Variants in CTNND2 observed in about 807,000 individuals in gnomAD.
CTNND2 encodes catenin delta-2.
CTNND2 carries 22 observed loss-of-function variants against 144.4 expected under a neutral mutation model. The ratio of observed to expected loss-of-function variants is 0.15; its 90% confidence interval spans 0.11 to 0.22. CTNND2 has a LOEUF of 0.22. Ranked by LOEUF, CTNND2 falls within the 10% of genes least tolerant of loss-of-function variation. CTNND2 has a pLI of 1.00. For missense variants in CTNND2, 1,353 were observed against 1,618.8 expected (o/e 0.84, Z 2.82); for synonymous variants, 751 against 695.6 (o/e 1.08, Z -1.25).
intron 1 of CTNND2, among the ~76,000 whole-genome samples, chr5:11,777,850 G>C (rs1283504746): frequency 6.6e-6 from 1 of 152,054 alleles, no homozygotes; most frequent in Non-Finnish European, 1.5e-5. Flanking sequence ...AGCTCTCCCA[G>C]GTGATTTTGA....
chr5:11,396,921 C>T (rs1760192599), intron 6 of CTNND2, 110 bp downstream of exon 6: 4 of 1,067,558 alleles, frequency 3.7e-6, no homozygotes, highest in Non-Finnish European at 4.1e-6. Context: ...TTGAGGGACA[C>T]ACCTACAAAA....
At chr5:11,198,127 A>G (rs934840877) in intron 11 of CTNND2, among the ~76,000 whole-genome samples, 2 of 152,146 alleles carry the variant, frequency 1.3e-5, no homozygotes. Flanking sequence ...TCCTAACCAT[A>G]ATGGTAGGAA....
chr5:11,110,708 T>C (rs1325532391), intron 14 of CTNND2, 150 bp downstream of exon 14: 2 of 724,944 alleles, frequency 2.8e-6, no homozygotes, highest in Non-Finnish European at 4.5e-6. Flanking sequence ...CCGTCTCAGC[T>C]GTGAAATTCC....
At chr5:11,368,594 G>A (rs183093370) in intron 7 of CTNND2, among the ~76,000 whole-genome samples, 5 of 152,304 alleles carry the variant, frequency 3.3e-5, no homozygotes, top group Admixed American at 1.3e-4. Context: ...GAAGAATCAT[G>A]ACAACATGGC....
intron 9 of CTNND2, among the ~76,000 whole-genome samples, chr5:11,291,406 T>G (rs1748338477): frequency 6.6e-6 from 1 of 152,168 alleles, no homozygotes; most frequent in African/African-American, 2.4e-5. Flanking sequence ...TGGTCCCAAG[T>G]TTGATCCTGT....
chr5:11,252,519 C>T (rs1294396519), intron 9 of CTNND2, among the ~76,000 whole-genome samples: 1 of 152,194 alleles, frequency 6.6e-6, no homozygotes, highest in Non-Finnish European at 1.5e-5. Context: ...AATGTAAGCT[C>T]ACATTTAAGG....
At position 11,409,492 on chromosome 5, in the gene CTNND2, T is replaced by G. The variant is rs1040550544; in HGVS notation, c.439+2044A>C. On this transcript the variant is annotated intron_variant, in intron 5 of 21. Coordinates refer to ENST00000304623, the MANE Select transcript of CTNND2 (RefSeq NM_001332.4). Reference sequence around the variant, plus strand: ...AGCATTCTGTCTGATTCATGAGACGTGCATTCAAATGTTCACAATAATATT... The same window carrying G: ...AGCATTCTGTCTGATTCATGAGACGGGCATTCAAATGTTCACAATAATATT... Among the ~76,000 whole-genome samples, 4 of 152,216 alleles carry G rather than the reference T, an allele frequency of 2.6e-5. No individual in the cohort carries two copies. In the East Asian group the frequency reaches 7.7e-4, roughly 29 times the overall value.
intron 1 of CTNND2, among the ~76,000 whole-genome samples, chr5:11,797,810 T>C (rs370024397): frequency 2.3e-4 from 35 of 152,368 alleles, no homozygotes; most frequent in African/African-American, 7.9e-4. Context: ...TATAGTTGCT[T>C]GACTTTACTT....
chr5:11,369,216 A>C (rs917549798), intron 7 of CTNND2, among the ~76,000 whole-genome samples: 2 of 152,256 alleles, frequency 1.3e-5, no homozygotes, highest in Non-Finnish European at 2.9e-5. Flanking sequence ...GACGTTCATA[A>C]GGAAAGAAAA....
chr5:11,697,220 A>G (rs1393173344), intron 2 of CTNND2, among the ~76,000 whole-genome samples: 1 of 152,166 alleles, frequency 6.6e-6, no homozygotes. Context: ...AGGTTGTTGG[A>G]AAGTGTGCAA....
chr5:11,603,794 A>C (rs55648108), intron 2 of CTNND2, among the ~76,000 whole-genome samples: 13,794 of 152,164 alleles, frequency 0.091, 1,449 homozygotes, highest in African/African-American at 0.25. Flanking sequence ...TTGTTCCAGG[A>C]ACTCTTCTGA....
chr5:11,272,996 G>A (rs1186154495), intron 9 of CTNND2, among the ~76,000 whole-genome samples: 1 of 151,946 alleles, frequency 6.6e-6, no homozygotes, highest in Non-Finnish European at 1.5e-5. Context: ...GACCAGCTAG[G>A]CATTCTCACA....
At chr5:11,295,940 G>A (rs369579761) in intron 9 of CTNND2, among the ~76,000 whole-genome samples, 79 of 151,992 alleles carry the variant, frequency 5.2e-4, no homozygotes, top group African/African-American at 1.5e-3. Flanking sequence ...CTTCATGTCT[G>A]AAACACCAAA....
chr5:11,263,436 T>C (rs1313116478), intron 9 of CTNND2, among the ~76,000 whole-genome samples: 1 of 152,106 alleles, frequency 6.6e-6, no homozygotes, highest in South Asian at 2.1e-4. Context: ...AAAATGCTCA[T>C]GAAATGATAG....
At chr5:11,407,186 G>A (rs1185358361) in intron 5 of CTNND2, among the ~76,000 whole-genome samples, 2 of 152,144 alleles carry the variant, frequency 1.3e-5, no homozygotes, top group Non-Finnish European at 2.9e-5. Context: ...AAAGCTAATG[G>A]CCCCAAGCTT....
At chr5:11,532,267 C>A (rs901398567) in intron 3 of CTNND2, among the ~76,000 whole-genome samples, 1 of 151,886 alleles carries the variant, frequency 6.6e-6, no homozygotes, top group Non-Finnish European at 1.5e-5. Flanking sequence ...CATCCCTTGC[C>A]CCTCTCCCTC....
chr5:11,007,792 G>A (rs1421122495), intron 18 of CTNND2, among the ~76,000 whole-genome samples: 1 of 152,230 alleles, frequency 6.6e-6, no homozygotes. Flanking sequence ...CTCAAAAGGA[G>A]CATTGGTGCT....
chr5:11,161,233 T>C lies in CTNND2; in HGVS notation c.1976-1474A>G, dbSNP rs61753299. Among the ~76,000 whole-genome samples, 995 of 152,360 alleles carry C rather than the reference T, an allele frequency of 6.5e-3. 19 individuals are homozygous for C. Among genetic ancestry groups the C allele is most frequent in the African/African-American group, 0.023 (962 of 41,584 alleles). On this transcript the variant is annotated intron_variant, in intron 11 of 21. Transcript: ENST00000304623. ...ATAGCTGGGTATTAGTGACAGAGACTGTACAGCCCACAAACCATAAACAAT... is the reference window on the plus strand; with the variant it reads ...ATAGCTGGGTATTAGTGACAGAGACCGTACAGCCCACAAACCATAAACAAT...
At chr5:11,638,978 T>C (rs1226135013) in intron 2 of CTNND2, among the ~76,000 whole-genome samples, 2 of 152,136 alleles carry the variant, frequency 1.3e-5, no homozygotes, top group Non-Finnish European at 2.9e-5. Flanking sequence ...GCCCATCTTT[T>C]CCATCAGAAC....
Sources: gnomAD v4.1 joint callset for allele counts (sites outside exome capture counted in the v4.1 genomes callset) on GRCh38, gnomAD v4.1.1 for gene constraint, MANE v1.5 for transcripts, NCBI Gene and HGNC (gene_info 2026-07-23, HGNC 2026-07-21) for gene names.